PCDH18: variants seen among roughly 807,000 people sequenced by gnomAD.
PCDH18 encodes protocadherin 18.
Under a neutral mutation model 71.5 loss-of-function variants are expected in PCDH18, and 38 were observed. The observed-to-expected ratio is 0.53, with a 90% CI of 0.41 to 0.70. PCDH18 has a LOEUF of 0.70. PCDH18 is among the 30% of genes least tolerant of loss of function. PCDH18 has a pLI of 0.00. For synonymous variants in PCDH18, 565 were observed against 505.4 expected (o/e 1.12, Z -1.58); for missense variants, 1,334 against 1,384.6 (o/e 0.96, Z 0.58).
intron 3 of PCDH18, among the ~76,000 whole-genome samples, chr4:137,525,948 G>A (rs950543051): frequency 3.0e-4 from 45 of 151,900 alleles, no homozygotes; most frequent in African/African-American, 9.2e-4. Context: ...GAAGCTTAAC[G>A]TCACTCACTA....
chr4:137,532,316 C>A lies in PCDH18; in HGVS notation c.-228G>T. 1 of 702,736 alleles carries A rather than the reference C, an allele frequency of 1.4e-6. No individual in the cohort carries two copies. The highest frequency in any genetic ancestry group is 2.6e-6 in the Non-Finnish European group (1 of 385,164). The allele number at this position is 702,736 out of a possible 1,614,324, so 43.5% of individuals were successfully genotyped here. A position where few individuals can be genotyped will look rare whatever the true frequency, so the allele number is the denominator to read the frequency against. ...CAGTCCTTGCGTTTGTTTGGTCGTTCGTCCTCTTTCCAGGCAGGAGAGTGT... is the reference window on the plus strand; with the variant it reads ...CAGTCCTTGCGTTTGTTTGGTCGTTAGTCCTCTTTCCAGGCAGGAGAGTGT... On this transcript the variant is annotated 5_prime_UTR_variant, in exon 1 of 4. Coordinates refer to ENST00000344876, the MANE Select transcript of PCDH18 (RefSeq NM_019035.5).
chr4:137,529,761 T>C lies in PCDH18; in HGVS notation c.2328A>G (p.Arg776=). ...NGTLPIRSHH[R]SSPSSSPTLE... ...AGGTAGGAGATGAAGATGGAGACGATCTGTGATGAGATCTGATGGGCAGAG... is the reference window on the plus strand; with the variant it reads ...AGGTAGGAGATGAAGATGGAGACGACCTGTGATGAGATCTGATGGGCAGAG... The change falls in exon 1 of 4, where the codon AGA becomes AGG. Residue 776 remains arginine, a synonymous_variant. Coordinates refer to ENST00000344876, the MANE Select transcript of PCDH18 (RefSeq NM_019035.5). The C allele has an allele frequency of 1.2e-6, 2 of 1,614,000 alleles. No homozygotes were observed. The highest frequency in any genetic ancestry group is 1.7e-4 in the Middle Eastern group (1 of 6,056).
In PCDH18 at chr4:137,531,590, C is replaced by T; in HGVS notation, c.499G>A (p.Gly167Arg). ...GAGTATGTGTGGAGGGAATTTTCCC[C>T]AACATCTGGATCAAATGCACTGTCC... Reference protein sequence around the residue: ...PLDSAFDPDVGENSLHTYSLS... With the variant: ...PLDSAFDPDVRENSLHTYSLS... The change falls in exon 1 of 4, where the codon GGG (glycine) becomes AGG (arginine). Residue 167 changes from glycine to arginine, a missense_variant. Coordinates refer to ENST00000344876, the MANE Select transcript of PCDH18 (RefSeq NM_019035.5). 1.2e-6 allele frequency: 2 copies of T among 1,613,398 alleles called. No individual in the cohort carries two copies. The highest frequency in any genetic ancestry group is 1.1e-5 in the South Asian group (1 of 91,030).
rs1276720038 is a variant in PCDH18, at chr4:137,532,289, T to C, written c.-201A>G. On this transcript the variant is annotated 5_prime_UTR_variant, in exon 1 of 4. Coordinates refer to ENST00000344876, the MANE Select transcript of PCDH18 (RefSeq NM_019035.5). ...ACTTCCAGATACCTTCGGCATGGAG[T>C]CCAGTCCTTGCGTTTGTTTGGTCGT... 4 of 703,538 alleles carry C rather than the reference T, an allele frequency of 5.7e-6. No individual in the cohort carries two copies. Among genetic ancestry groups the C allele is most frequent in the South Asian group, 4.4e-5 (3 of 67,822 alleles). 43.6% of individuals were successfully genotyped at this position (703,538 alleles called of 1,614,324 possible).
chr4:137,528,637 C>T lies in PCDH18; in HGVS notation c.2581G>A (p.Ala861Thr), dbSNP rs761603041. The change falls in exon 3 of 4, where the codon GCC (alanine) becomes ACC (threonine). Residue 861 changes from alanine to threonine, a missense_variant. Physicochemically the swap from Ala to Thr is moderately conservative, Grantham distance 58. This residue lies in a region of PCDH18 where 1,011 missense variants were observed against 1,048.0 expected (regional missense o/e 0.96). Transcript: ENST00000344876. The part of the protein sequence containing the change: ...GNKYSRSYRY[A>T]LQDMDKFSLK... ...CTAAATTTGTCCATGTCTTGAAGGG[C>T]ATATCTGGAAAGATAAATCACAAAA... 9.9e-6 allele frequency: 16 copies of T among 1,613,688 alleles called. No individual in the cohort carries two copies. In the South Asian group the frequency reaches 1.6e-4, roughly 17 times the overall value.
At position 137,530,559 on chromosome 4, in the gene PCDH18, T is replaced by C. The variant is rs780981169; in HGVS notation, c.1530A>G (p.Leu510=). 3.1e-6 allele frequency: 5 copies of C among 1,613,968 alleles called. No homozygotes were observed. The highest frequency in any genetic ancestry group is 2.7e-5 in the African/African-American group (2 of 74,940). Residue 510 remains leucine (L), a synonymous_variant, in exon 1 of 4, where the codon CTA becomes CTG. Coordinates refer to ENST00000344876, the MANE Select transcript of PCDH18 (RefSeq NM_019035.5). ...TTACATATGTAGTTATGGAACTTCC[T>C]AGAATAAAACTCTCCAAGATGGTGT... ...VTYTILESFI[L]GSSITTYVTI...
intron 3 of PCDH18, 122 bp downstream of exon 3, chr4:137,528,356 T>C (rs58884168): frequency 1.3e-6 from 1 of 743,154 alleles, no homozygotes; most frequent in Non-Finnish European, 2.3e-6. Context: ...CTATAAAACA[T>C]ATTATAAATA....
chr4:137,523,895 A>G (rs1199514144), intron 3 of PCDH18, among the ~76,000 whole-genome samples: 1 of 152,178 alleles, frequency 6.6e-6, no homozygotes, highest in Non-Finnish European at 1.5e-5. Flanking sequence ...TTAAAAATGA[A>G]AAGTAATAAG....
In PCDH18 at chr4:137,530,226, T is replaced by C. The variant is rs544381950; in HGVS notation, c.1863A>G (p.Val621=). 1.2e-6 allele frequency: 2 copies of C among 1,614,114 alleles called. No individual in the cohort carries two copies. The highest frequency in any genetic ancestry group is 1.7e-6 in the Non-Finnish European group (2 of 1,180,000). ...TGAAGATATTCTCCTCATTACCTGC[T>C]ACTATGGCGCAGCTGAGTTCAGCAT... ...GVNAELSCAI[V]AGNEENIFII... Residue 621 remains valine, a synonymous_variant, in exon 1 of 4, where the codon GTA becomes GTG. Coordinates refer to ENST00000344876, the MANE Select transcript of PCDH18 (RefSeq NM_019035.5).
In PCDH18 at chr4:137,521,420, G is replaced by T; in HGVS notation, c.3017C>A (p.Ser1006Ter). 1 of 1,614,166 alleles carries T rather than the reference G, an allele frequency of 6.2e-7. No individual in the cohort carries two copies. The highest frequency in any genetic ancestry group is 8.5e-7 in the Non-Finnish European group (1 of 1,180,014). Residue 1006 changes from serine to a stop codon, truncating the protein, a stop_gained, in exon 4 of 4, where the codon TCG (serine) becomes TAG (stop). Transcript: ENST00000344876. LOFTEE classifies it high-confidence loss of function. ...TGDTSTSSLL[S>*]EMSSVFQRLL... Reference sequence around the variant, plus strand: ...ACGCTGGAACACACTGCTCATTTCCGAGAGCAGAGATGATGTGCTGGTATC... The same window carrying T: ...ACGCTGGAACACACTGCTCATTTCCTAGAGCAGAGATGATGTGCTGGTATC...
chr4:137,528,033 G>C (rs965976588), intron 3 of PCDH18, among the ~76,000 whole-genome samples: 3 of 152,104 alleles, frequency 2.0e-5, no homozygotes, highest in Admixed American at 6.5e-5. Context: ...GATTTTGTGA[G>C]TTGGTGCCCA....
intron 3 of PCDH18, among the ~76,000 whole-genome samples, chr4:137,526,128 TAAG>T (rs1296022487): frequency 6.6e-6 from 1 of 151,658 alleles, no homozygotes; most frequent in African/African-American, 2.4e-5. Context: ...TTAGAAAATA[TAAG>T]AAAAAGTAAA....
rs777943482 is a variant in PCDH18, at chr4:137,531,012, C to A, written c.1077G>T (p.Met359Ile). Residue 359 changes from methionine (M) to isoleucine (I), a missense_variant, in exon 1 of 4, where the codon ATG becomes ATT. Coordinates refer to ENST00000344876, the MANE Select transcript of PCDH18 (RefSeq NM_019035.5). ...AAGATATTTCTTCTTTTCCAGGGGACATGAGGTTGATGTTAATTTCAGGTT... is the reference window on the plus strand; with the variant it reads ...AAGATATTTCTTCTTTTCCAGGGGAAATGAGGTTGATGTTAATTTCAGGTT... The part of the protein sequence containing the change: ...DNKPEININL[M>I]SPGKEEISYI... The A allele has an allele frequency of 1.2e-6, 2 of 1,610,330 alleles. No homozygotes were observed. Among genetic ancestry groups the A allele is most frequent in the Non-Finnish European group, 1.7e-6 (2 of 1,178,240 alleles).
In PCDH18 at chr4:137,529,599, T is replaced by G; in HGVS notation, c.2487+3A>C. On this transcript the variant is annotated splice_donor_region_variant and intron_variant, in intron 1 of 3. Transcript: ENST00000344876. ...AATGAATTGATGCGGTTTATGATCT[T>G]ACCTCAACAGCAGGAGTGGCGTGGG... The G allele has an allele frequency of 6.3e-7, 1 of 1,583,702 alleles. No individual in the cohort carries two copies. Among genetic ancestry groups the G allele is most frequent in the Non-Finnish European group, 8.6e-7 (1 of 1,160,730 alleles).
At position 137,530,885 on chromosome 4, in the gene PCDH18, G is replaced by A. The variant is rs761491835; in HGVS notation, c.1204C>T (p.His402Tyr). The change falls in exon 1 of 4, where the codon CAT (histidine) becomes TAT (tyrosine). Residue 402 changes from histidine (H) to tyrosine (Y), a missense_variant. His to Tyr is a moderately conservative substitution (Grantham distance 83). Around this residue, in one of 3 missense-constraint regions of PCDH18, gnomAD observed 1,011 missense variants for 1,048.0 expected, o/e 0.96. Transcript: ENST00000344876. ...GTCTTCTGAAGTTTAAAGTGACCAT[G>A]TCCATGAAGCTTACAAACTATTTCT... ...NGEIVCKLHG[H>Y]GHFKLQKTYE... 3 of 1,611,694 alleles carry A rather than the reference G, an allele frequency of 1.9e-6. No individual in the cohort carries two copies. Among genetic ancestry groups the A allele is most frequent in the Admixed American group, 3.4e-5 (2 of 59,602 alleles).
chr4:137,528,442 C>A (rs763227226), intron 3 of PCDH18, 36 bp downstream of exon 3: 41 of 1,583,710 alleles, frequency 2.6e-5, no homozygotes, highest in Admixed American at 2.0e-4. Flanking sequence ...TCACGGTAGA[C>A]CTGAAAATAA....
At chr4:137,528,044 T>C (rs748361195) in intron 3 of PCDH18, among the ~76,000 whole-genome samples, 2 of 152,150 alleles carry the variant, frequency 1.3e-5, no homozygotes, top group Non-Finnish European at 2.9e-5. Context: ...TTGGTGCCCA[T>C]CACAGGAAAT....
rs74333741 is a variant in PCDH18, at chr4:137,528,975, A to T, written c.2488-155T>A. On this transcript the variant is annotated intron_variant, in intron 1 of 3. Coordinates refer to ENST00000344876, the MANE Select transcript of PCDH18 (RefSeq NM_019035.5). ...TGCAAATGCTGGACTGTGGCGGACC[A>T]CGCAGCCAGCTACCAACTATAACTA... is the stretch of plus-strand genomic sequence containing the variant. The T allele has an allele frequency of 4.8e-3, 2,966 of 622,234 alleles. 18 individuals are homozygous for T. Among genetic ancestry groups the T allele is most frequent in the Middle Eastern group, 0.019 (46 of 2,448 alleles). The allele number at this position is 622,234 out of a possible 1,614,324, so 38.5% of individuals were successfully genotyped here. A position where few individuals can be genotyped will look rare whatever the true frequency, so the allele number is the denominator to read the frequency against.
In PCDH18 at chr4:137,531,110, G is replaced by C; in HGVS notation, c.979C>G (p.Gln327Glu). The C allele has an allele frequency of 6.2e-7, 1 of 1,613,744 alleles. No individual in the cohort carries two copies. The highest frequency in any genetic ancestry group is 1.3e-5 in the African/African-American group (1 of 75,006). The change falls in exon 1 of 4, where the codon CAA (glutamine) becomes GAA (glutamate). Residue 327 changes from glutamine to glutamate, a missense_variant. By Grantham distance (29) the Gln-to-Glu change is conservative. Around this residue, in one of 3 missense-constraint regions of PCDH18, gnomAD observed 1,011 missense variants for 1,048.0 expected, o/e 0.96. Transcript: ENST00000344876. ...GGGATTGAATTTGGACCCAAATCTT[G>C]AGCCTGAACATCAATCTCATAGGAT... ...TKSYEIDVQA[Q>E]DLGPNSIPAH... is the part of the protein sequence containing the mutation.
Sources: allele counts gnomAD v4.1 joint callset (sites outside exome capture counted in the v4.1 genomes callset), GRCh38; gene constraint gnomAD v4.1.1; regional missense constraint gnomAD v4.1.1; transcripts MANE v1.5; gene names NCBI Gene and HGNC (gene_info 2026-07-23, HGNC 2026-07-21).